The following MICU2 variants were observed in gnomAD, a reference collection of about 807,000 sequenced individuals.
MICU2 encodes the protein mitochondrial calcium uptake 2.
A neutral mutation model predicts 60.4 loss-of-function variants in MICU2; 64 were observed. The ratio of observed to expected loss-of-function variants is 1.06; its 90% CI spans 0.87 to 1.31. MICU2 has a LOEUF of 1.31. Ranked by LOEUF, MICU2 falls within the 50% of genes most tolerant of loss-of-function variation. The pLI, the probability that MICU2 is intolerant of heterozygous loss-of-function variation, is 0.00. For synonymous variants in MICU2, 201 were observed against 175.0 expected (o/e 1.15, Z -1.17); for missense variants, 569 against 531.0 (o/e 1.07, Z -0.70).
chr13:21,567,896 T>A (rs895510662), intron 1 of MICU2, among the ~76,000 whole-genome samples: 2 of 152,154 alleles, frequency 1.3e-5, no homozygotes, highest in Non-Finnish European at 2.9e-5. Flanking sequence ...TACCACACTA[T>A]CCTCCTACAC....
At chr13:21,504,408 C>A (rs913977280) in intron 8 of MICU2, among the ~76,000 whole-genome samples, 5 of 152,076 alleles carry the variant, frequency 3.3e-5, no homozygotes, top group African/African-American at 1.2e-4. Context: ...CGAGCCTCTA[C>A]CAGAGGCTGA....
intron 1 of MICU2, chr13:21,582,806 C>A (rs555586775): frequency 6.5e-6 from 1 of 153,610 alleles, no homozygotes; most frequent in South Asian, 2.0e-4. Flanking sequence ...GGGAAAGACA[C>A]AGCAGCAGGG....
At position 21,530,726 on chromosome 13, in the gene MICU2, G is replaced by A. The variant is rs111772285; in HGVS notation, c.467-8076C>T. On this transcript the variant is annotated intron_variant, in intron 4 of 11. Coordinates refer to ENST00000382374, the MANE Select transcript of MICU2 (RefSeq NM_152726.3). ...GGTCGGGGAGGCTGCACAAGGTGGC[G>A]AGCCCAGACAGCCAGAGCAGCCCCC... 85 of 474,460 alleles carry A rather than the reference G, an allele frequency of 1.8e-4. 3 individuals carry two copies. The highest frequency in any genetic ancestry group is 1.2e-3 in the South Asian group (44 of 37,410). The allele number at this position is 474,460 out of a possible 1,614,324, so 29.4% of individuals were successfully genotyped here.
At chr13:21,552,952 TC>T (rs1186118191) in intron 2 of MICU2, among the ~76,000 whole-genome samples, 1 of 152,212 alleles carries the variant, frequency 6.6e-6, no homozygotes, top group Non-Finnish European at 1.5e-5. Context: ...AGTAGTTTTT[TC>T]CAATTCTGTG....
intron 1 of MICU2, among the ~76,000 whole-genome samples, chr13:21,567,151 A>G (rs1339750636): frequency 1.3e-5 from 2 of 152,256 alleles, no homozygotes; most frequent in East Asian, 3.8e-4. Flanking sequence ...GTGACATTCC[A>G]AAAAGGGAGA....
chr13:21,597,732 C>A (rs1199180132), intron 1 of MICU2, among the ~76,000 whole-genome samples: 36 of 151,792 alleles, frequency 2.4e-4, no homozygotes, highest in Admixed American at 2.4e-3. Flanking sequence ...GAGATTGAGA[C>A]CATCCTGGCT....
intron 2 of MICU2, among the ~76,000 whole-genome samples, chr13:21,557,102 T>C (rs1887726498): frequency 6.6e-6 from 1 of 152,196 alleles, no homozygotes; most frequent in Admixed American, 6.5e-5. Context: ...AATGATGGGA[T>C]AGTTGAGACT....
At chr13:21,563,251 C>T (rs1303407243) in intron 2 of MICU2, among the ~76,000 whole-genome samples, 8 of 152,000 alleles carry the variant, frequency 5.3e-5, no homozygotes, top group Admixed American at 6.6e-5. Context: ...GTCACGAGAT[C>T]GAGACCATCC....
chr13:21,579,762 A>C (rs1052785273), intron 1 of MICU2, among the ~76,000 whole-genome samples: 6 of 152,206 alleles, frequency 3.9e-5, no homozygotes, highest in Admixed American at 3.9e-4. Flanking sequence ...ATTTTGTAAG[A>C]TACCCATGGT....
chr13:21,529,668 T>C (rs1566149019), intron 4 of MICU2, among the ~76,000 whole-genome samples: 1 of 152,248 alleles, frequency 6.6e-6, no homozygotes, highest in African/African-American at 2.4e-5. Context: ...AGATCTTTCG[T>C]TGACATGATC....
At chr13:21,539,753 A>G (rs1303811201) in intron 2 of MICU2, 65 bp from the exon 3 acceptor site, 7 of 1,404,816 alleles carry the variant, frequency 5.0e-6, no homozygotes, top group South Asian at 1.2e-5. Context: ...TTGCACTAAG[A>G]AAGAAAATTA....
intron 4 of MICU2, among the ~76,000 whole-genome samples, chr13:21,532,985 T>C (rs887700724): frequency 6.6e-6 from 1 of 151,720 alleles, no homozygotes; most frequent in African/African-American, 2.4e-5. Context: ...TGGGGTAAAA[T>C]AGGGAAAAAT....
At chr13:21,584,642 T>G (rs1888420569) in intron 1 of MICU2, among the ~76,000 whole-genome samples, 1 of 152,190 alleles carries the variant, frequency 6.6e-6, no homozygotes, top group Non-Finnish European at 1.5e-5. Flanking sequence ...CAGGCTATAC[T>G]TAAAAAATAT....
chr13:21,578,480 T>G (rs192894245), intron 1 of MICU2, among the ~76,000 whole-genome samples: 270 of 152,150 alleles, frequency 1.8e-3, no homozygotes, highest in Middle Eastern at 0.017. Context: ...TCCCAGCTAC[T>G]CAGGAGGCTG....
At chr13:21,516,486 C>T (rs146596284) in intron 6 of MICU2, among the ~76,000 whole-genome samples, 142 of 152,252 alleles carry the variant, frequency 9.3e-4, no homozygotes, top group African/African-American at 3.3e-3. Context: ...GTTTTCATGG[C>T]TCCAGTTTTT....
chr13:21,579,930 TG>T (rs1249970540), intron 1 of MICU2, among the ~76,000 whole-genome samples: 4 of 152,200 alleles, frequency 2.6e-5, no homozygotes, highest in Admixed American at 2.0e-4. Flanking sequence ...AAACAAGTTT[TG>T]CGGTTTTTTT....
At chr13:21,603,715 G>A (rs960904992) in intron 1 of MICU2, 4 of 572,622 alleles carry the variant, frequency 7.0e-6, no homozygotes, top group South Asian at 6.4e-5. Flanking sequence ...TTCTCCCAAG[G>A]GAGGCAGAAT....
chr13:21,525,742 C>A (rs1886837964), intron 4 of MICU2, among the ~76,000 whole-genome samples: 1 of 151,778 alleles, frequency 6.6e-6, no homozygotes, highest in African/African-American at 2.4e-5. Context: ...TACTTGAGTC[C>A]TTTTCCCATT....
chr13:21,603,715 G>C (rs960904992), intron 1 of MICU2: 9 of 572,622 alleles, frequency 1.6e-5, no homozygotes, highest in Non-Finnish European at 2.8e-5. Context: ...TTCTCCCAAG[G>C]GAGGCAGAAT....
Sources: gnomAD v4.1 joint callset for allele counts (sites outside exome capture counted in the v4.1 genomes callset) on GRCh38, gnomAD v4.1.1 for gene constraint, MANE v1.5 for transcripts, NCBI Gene and HGNC (gene_info 2026-07-23, HGNC 2026-07-21) for gene names.